The following PPP2R2B variants were observed in gnomAD, a reference collection of about 807,000 sequenced individuals.
The protein encoded by PPP2R2B is serine/threonine-protein phosphatase 2A 55 kDa regulatory subunit B beta isoform.
A neutral mutation model predicts 46.0 loss-of-function variants in PPP2R2B; 5 were observed. That is an observed-to-expected ratio of 0.11 (90% CI 0.06 to 0.23). The LOEUF (loss-of-function observed/expected upper bound fraction) is 0.23. Among genes scored for constraint, PPP2R2B ranks in the 10% least tolerant of loss-of-function variants. PPP2R2B has a pLI of 1.00. For synonymous variants in PPP2R2B, 215 were observed against 206.7 expected, an observed-to-expected ratio of 1.04 and a Z score of -0.34; for missense variants, 367 against 575.0, an observed-to-expected ratio of 0.64 and a Z score of 3.70.
intron 2 of PPP2R2B, among the ~76,000 whole-genome samples, chr5:146,714,555 A>G (rs1314312769): frequency 1.3e-5 from 2 of 152,130 alleles, no homozygotes; most frequent in East Asian, 3.9e-4. Context: ...CTGAATGAAT[A>G]AAAAAATAAA....
chr5:147,021,774 T>C (rs1406197605), intron 1 of PPP2R2B, among the ~76,000 whole-genome samples: 1 of 152,134 alleles, frequency 6.6e-6, no homozygotes, highest in Non-Finnish European at 1.5e-5. Flanking sequence ...CAACATAACA[T>C]TAACAATATT....
chr5:146,886,947 G>A (rs796534842), intron 1 of PPP2R2B, among the ~76,000 whole-genome samples: 36 of 151,738 alleles, frequency 2.4e-4, no homozygotes, highest in African/African-American at 8.7e-4. Flanking sequence ...AACAATTCTG[G>A]TCACATATAA....
At chr5:147,016,961 T>G (rs1421910716) in intron 1 of PPP2R2B, among the ~76,000 whole-genome samples, 1 of 151,556 alleles carries the variant, frequency 6.6e-6, no homozygotes, top group Non-Finnish European at 1.5e-5. Context: ...GAGCTCCATT[T>G]TGCAGGTAAA....
chr5:146,979,864 ACTCACCT>A (rs1166625210), intron 1 of PPP2R2B, among the ~76,000 whole-genome samples: 4 of 152,132 alleles, frequency 2.6e-5, no homozygotes, highest in Non-Finnish European at 5.9e-5. Flanking sequence ...ATTGTACCCT[ACTCACCT>A]ATTTCTCATT....
chr5:146,881,161 C>A (rs190639265), upstream of PPP2R2B, among the ~76,000 whole-genome samples: 1 of 152,242 alleles, frequency 6.6e-6, no homozygotes, highest in Non-Finnish European at 1.5e-5. Flanking sequence ...ATGTCAAGTT[C>A]TTTCCAAAAG....
intron 2 of PPP2R2B, among the ~76,000 whole-genome samples, chr5:146,801,536 C>T (rs893009432): frequency 6.6e-6 from 1 of 152,112 alleles, no homozygotes; most frequent in African/African-American, 2.4e-5. Flanking sequence ...AGAAGATGCC[C>T]TTGGATGGGG....
chr5:146,665,143 C>T (rs912532842), intron 5 of PPP2R2B, among the ~76,000 whole-genome samples: 1 of 152,162 alleles, frequency 6.6e-6, no homozygotes, highest in Non-Finnish European at 1.5e-5. Flanking sequence ...GCATTAGCCC[C>T]TACTGAAAGG....
chr5:146,874,752 A>G (rs886934467), intron 2 of PPP2R2B, among the ~76,000 whole-genome samples: 11 of 152,206 alleles, frequency 7.2e-5, no homozygotes, highest in African/African-American at 2.7e-4. Flanking sequence ...GCCTAAAAAT[A>G]TAGCAGGAAA....
rs538270248 is a variant in PPP2R2B at position 146,587,533 on chromosome 5, C to A, written c.*2414G>T. ...AAAGGGGCCTATGAACTCCTTAAAC[C>A]ATGACAAAAATTATTCCTGTGTGTG... On this transcript the variant is annotated 3_prime_UTR_variant, in exon 10 of 10. Coordinates refer to ENST00000394411, the MANE Select transcript of PPP2R2B (RefSeq NM_181675.4). 1 of 152,204 alleles carries A rather than the reference C, an allele frequency of 6.6e-6. No individual in the cohort carries two copies. Among genetic ancestry groups the A allele is most frequent in the African/African-American group, 2.4e-5 (1 of 41,448 alleles). 9.4% of individuals were successfully genotyped at this position (152,204 alleles called of 1,614,324 possible).
Position 147,014,976 on chromosome 5 carries a change from C to G in PPP2R2B, c.79+40689G>C, listed in dbSNP as rs555652700. Among the ~76,000 whole-genome samples, 3 of 152,046 alleles carry G rather than the reference C, an allele frequency of 2.0e-5. No homozygotes were observed. The East Asian group carries it at 5.8e-4, about 29-fold the overall frequency. The stretch of plus-strand genomic sequence containing the variant: ...CTCATTATGTATTTGCAAATATTCC[C>G]AAATTAAAAAAAAATCCCAAATCCC... On this transcript the variant is annotated intron_variant, in intron 1 of 8. Coordinates refer to the PPP2R2B transcript ENST00000336640.
intron 2 of PPP2R2B, among the ~76,000 whole-genome samples, chr5:146,766,935 T>C (rs1238453624): frequency 6.6e-6 from 1 of 151,474 alleles, no homozygotes; most frequent in East Asian, 1.9e-4. Context: ...ATGCCTGTTG[T>C]CCCAGCTACT....
At chr5:146,857,325 C>A (rs936166193) in intron 2 of PPP2R2B, among the ~76,000 whole-genome samples, 1 of 152,036 alleles carries the variant, frequency 6.6e-6, no homozygotes, top group East Asian at 1.9e-4. Context: ...TCAAAATAAA[C>A]GTGTAAGATT....
intron 1 of PPP2R2B, among the ~76,000 whole-genome samples, chr5:146,885,878 T>C (rs1035795263): frequency 6.6e-6 from 1 of 152,058 alleles, no homozygotes. Flanking sequence ...ACACAAAAGA[T>C]GACATATTGT....
At chr5:147,049,163 G>A (rs1324011329) in intron 1 of PPP2R2B, among the ~76,000 whole-genome samples, 1 of 151,744 alleles carries the variant, frequency 6.6e-6, no homozygotes, top group Non-Finnish European at 1.5e-5. Context: ...GGATTCTCTG[G>A]TGAAGAAACA....
chr5:146,607,053 A>C (rs1176712769), intron 7 of PPP2R2B: 1 of 152,182 alleles, frequency 6.6e-6, no homozygotes, highest in East Asian at 1.9e-4. Context: ...ATTTTCCTAC[A>C]GAGTGAGGCA....
At chr5:146,767,101 A>T (rs1397603716) in intron 2 of PPP2R2B, among the ~76,000 whole-genome samples, 1 of 151,456 alleles carries the variant, frequency 6.6e-6, no homozygotes, top group African/African-American at 2.4e-5. Flanking sequence ...ACAGCACAGA[A>T]TATCTTAGGT....
At chr5:146,684,855 A>G (rs1266520567) in intron 5 of PPP2R2B, among the ~76,000 whole-genome samples, 2 of 152,312 alleles carry the variant, frequency 1.3e-5, no homozygotes, top group Admixed American at 1.3e-4. Flanking sequence ...CATTTCTTAG[A>G]GTCCAACTCA....
chr5:147,045,066 A>C (rs903867166), intron 1 of PPP2R2B, among the ~76,000 whole-genome samples: 1 of 152,312 alleles, frequency 6.6e-6, no homozygotes, highest in Middle Eastern at 3.4e-3. Context: ...ACAGGTGTCC[A>C]TGTTTATAAA....
chr5:146,799,824 G>A (rs1756759102), intron 2 of PPP2R2B, among the ~76,000 whole-genome samples: 1 of 152,168 alleles, frequency 6.6e-6, no homozygotes, highest in Non-Finnish European at 1.5e-5. Context: ...ATGTTTCTTT[G>A]TATGATTAAC....
Sources: allele counts gnomAD v4.1 joint callset (sites outside exome capture counted in the v4.1 genomes callset), GRCh38; gene constraint gnomAD v4.1.1; transcripts MANE v1.5; gene names NCBI Gene and HGNC (gene_info 2026-07-23, HGNC 2026-07-21).